CDK6: variants seen among roughly 807,000 people sequenced by gnomAD.
CDK6 encodes the protein cyclin-dependent kinase 6.
Under a neutral mutation model 37.1 loss-of-function variants are expected in CDK6, and 6 were observed. That is an observed-to-expected ratio of 0.16 (90% CI 0.09 to 0.32). The LOEUF is 0.32. Ranked by LOEUF, CDK6 falls within the 10% of genes least tolerant of loss-of-function variation. CDK6 has a pLI of 1.00. For synonymous variants in CDK6, 160 were observed against 161.3 expected (o/e 0.99, Z 0.06); for missense variants, 224 against 418.9 (o/e 0.53, Z 4.06).
At chr7:92,828,251 G>A (rs1801381984) in intron 2 of CDK6, among the ~76,000 whole-genome samples, 1 of 152,106 alleles carries the variant, frequency 6.6e-6, no homozygotes, top group African/African-American at 2.4e-5. Context: ...GCATACTGCA[G>A]AATTCAGGAA....
At chr7:92,737,089 A>G (rs1798806832) in intron 3 of CDK6, among the ~76,000 whole-genome samples, 3 of 152,186 alleles carry the variant, frequency 2.0e-5, no homozygotes, top group Non-Finnish European at 4.4e-5. Flanking sequence ...GGTGGCTACA[A>G]GAACTAAAAA....
At chr7:92,664,258 T>C (rs1796907089) in intron 5 of CDK6, among the ~76,000 whole-genome samples, 1 of 151,804 alleles carries the variant, frequency 6.6e-6, no homozygotes, top group Non-Finnish European at 1.5e-5. Context: ...AATCTGAAAG[T>C]CTAAAGTGCC....
rs187727772 is a variant in CDK6 at position 92,835,792 on chromosome 7, G to T, written c.-368+686C>A. Among the ~76,000 whole-genome samples the T allele has an allele frequency of 2.6e-5, 4 of 152,214 alleles. No homozygotes were observed. In the East Asian group the frequency reaches 7.7e-4, roughly 29 times the overall value. On this transcript the variant is annotated intron_variant, in intron 1 of 7. Transcript: ENST00000424848. This position sits in a 1 kb window ranked among gnomAD's most constrained non-coding sequence, Gnocchi z 4.2. ...ATGCACACGGACGGGCGCGCTGCGGGGACCAGGGCTGCTCACTGCGGGGCG... is the reference window on the plus strand; with the variant it reads ...ATGCACACGGACGGGCGCGCTGCGGTGACCAGGGCTGCTCACTGCGGGGCG...
At chr7:92,660,741 A>C (rs1796816191) in intron 5 of CDK6, among the ~76,000 whole-genome samples, 1 of 152,176 alleles carries the variant, frequency 6.6e-6, no homozygotes, top group African/African-American at 2.4e-5. Flanking sequence ...ACTTGGATAC[A>C]GAAGGATGAA....
intron 3 of CDK6, among the ~76,000 whole-genome samples, chr7:92,768,857 C>T (rs1305106933): frequency 6.6e-6 from 1 of 152,122 alleles, no homozygotes; most frequent in Non-Finnish European, 1.5e-5. Context: ...GACAAATCAC[C>T]TGCTCGTAAT....
chr7:92,833,873 T>C lies in CDK6; in HGVS notation c.-367-183A>G, dbSNP rs1801570686. 3 of 398,778 alleles carry C rather than the reference T, an allele frequency of 7.5e-6. No homozygotes were observed. The highest frequency in any genetic ancestry group is 6.3e-4 in the Middle Eastern group (1 of 1,594). 24.7% of individuals were successfully genotyped at this position (398,778 alleles called of 1,614,324 possible). Reference sequence around the variant, plus strand: ...GTTCCTCCGAGAAAAGCGAAGTTACTTTTCTTTCCCTGCAGGGCTGAAGCC... The same window carrying C: ...GTTCCTCCGAGAAAAGCGAAGTTACCTTTCTTTCCCTGCAGGGCTGAAGCC... On this transcript the variant is annotated intron_variant, in intron 1 of 7. Coordinates refer to ENST00000424848, the MANE Select transcript of CDK6 (RefSeq NM_001145306.2). The surrounding 1 kb of genome is among the most constrained non-coding windows in gnomAD (Gnocchi z 6.1).
chr7:92,692,515 C>T (rs1038411699), intron 4 of CDK6, among the ~76,000 whole-genome samples: 8 of 151,360 alleles, frequency 5.3e-5, no homozygotes, highest in Non-Finnish European at 7.4e-5. Flanking sequence ...CTGGGCACAG[C>T]GGCTCATGCC....
intron 4 of CDK6, among the ~76,000 whole-genome samples, chr7:92,720,959 A>G (rs1798351259): frequency 6.6e-6 from 1 of 152,208 alleles, no homozygotes; most frequent in African/African-American, 2.4e-5. Context: ...TGTACAATGG[A>G]AAGAACTTCC....
chr7:92,801,669 T>C (rs893006657), intron 2 of CDK6, among the ~76,000 whole-genome samples: 1 of 151,914 alleles, frequency 6.6e-6, no homozygotes, highest in Non-Finnish European at 1.5e-5. Context: ...TTCTTTCTTT[T>C]GGAGTGCAGT....
rs144861853 is a variant in CDK6 at position 92,624,212 on chromosome 7, T to C, written c.648-1126A>G. On this transcript the variant is annotated intron_variant, in intron 5 of 7. Transcript: ENST00000424848. ...AATGCAGTGGAAAAGAATTTACTTA[T>C]TGCAAGGTGATGGGCTGAATTTTTT... Among the ~76,000 whole-genome samples the C allele has an allele frequency of 2.9e-4, 44 of 152,268 alleles. No individual in the cohort carries two copies. The East Asian group carries it at 6.7e-3, about 23-fold the overall frequency.
At position 92,833,044 on chromosome 7, in the gene CDK6, C is replaced by A. The variant is rs1258820590; in HGVS notation, c.233+47G>T. On this transcript the variant is annotated intron_variant, in intron 2 of 7. Transcript: ENST00000424848. The surrounding 1 kb of genome is among the most constrained non-coding windows in gnomAD (Gnocchi z 6.1). ...TGAGGATTCCCGGCTCGGCCCTCCC[C>A]GCGCGCGCGAGGCCCCAGATGGCGA... 1 of 1,386,014 alleles carries A rather than the reference C, an allele frequency of 7.2e-7. No homozygotes were observed. The highest frequency in any genetic ancestry group is 9.8e-7 in the Non-Finnish European group (1 of 1,019,034). 85.9% of individuals were successfully genotyped at this position (1,386,014 alleles called of 1,614,324 possible). A position where few individuals can be genotyped will look rare whatever the true frequency, so the allele number is the denominator to read the frequency against.
intron 4 of CDK6, among the ~76,000 whole-genome samples, chr7:92,684,768 G>GGAAGAGC (rs1471997350): frequency 1.3e-5 from 2 of 152,088 alleles, no homozygotes; most frequent in Non-Finnish European, 2.9e-5. Flanking sequence ...GAAGACTAGA[G>GGAAGAGC]CTGTGGAAAT....
chr7:92,688,320 G>T (rs1797511698), intron 4 of CDK6, among the ~76,000 whole-genome samples: 1 of 152,072 alleles, frequency 6.6e-6, no homozygotes, highest in Admixed American at 6.6e-5. Context: ...TGAATAATTT[G>T]TATTCTAAAA....
At chr7:92,682,505 T>G (rs971223526) in intron 4 of CDK6, among the ~76,000 whole-genome samples, 2 of 152,174 alleles carry the variant, frequency 1.3e-5, no homozygotes, top group Non-Finnish European at 2.9e-5. Context: ...AGCACTTACA[T>G]TGCATCTCAA....
intron 4 of CDK6, among the ~76,000 whole-genome samples, chr7:92,684,540 A>C (rs1490646467): frequency 6.6e-6 from 1 of 152,134 alleles, no homozygotes; most frequent in African/African-American, 2.4e-5. Flanking sequence ...CACTGTGTGC[A>C]CAGGCATGTC....
chr7:92,773,757 G>C (rs1191434885), intron 3 of CDK6, among the ~76,000 whole-genome samples: 2 of 152,152 alleles, frequency 1.3e-5, no homozygotes, highest in Non-Finnish European at 2.9e-5. Flanking sequence ...AATTCTAAAT[G>C]TATCAGTCAG....
intron 4 of CDK6, among the ~76,000 whole-genome samples, chr7:92,693,489 A>C (rs1797640937): frequency 1.3e-5 from 2 of 152,190 alleles, no homozygotes; most frequent in Non-Finnish European, 2.9e-5. Flanking sequence ...CTGTTTTCTA[A>C]TTTATTCATT....
chr7:92,722,428 T>C (rs1437491571), intron 4 of CDK6, among the ~76,000 whole-genome samples: 2 of 152,204 alleles, frequency 1.3e-5, no homozygotes, highest in Non-Finnish European at 2.9e-5. Context: ...GAAAGGATTA[T>C]GATAAAAACA....
At chr7:92,754,905 A>T (rs1348151274) in intron 3 of CDK6, among the ~76,000 whole-genome samples, 1 of 152,112 alleles carries the variant, frequency 6.6e-6, no homozygotes, top group Non-Finnish European at 1.5e-5. Context: ...GCTGAGGAGG[A>T]GTTTATTGCC....
Sources: gnomAD v4.1 joint callset for allele counts (sites outside exome capture counted in the v4.1 genomes callset) on GRCh38, gnomAD v4.1.1 for gene constraint, Gnocchi (gnomAD v3.1) non-coding constraint, MANE v1.5 for transcripts, NCBI Gene and HGNC (gene_info 2026-07-23, HGNC 2026-07-21) for gene names.